GREM1: variants seen among roughly 807,000 people sequenced by gnomAD.
GREM1 encodes the protein gremlin-1.
A neutral mutation model predicts 13.1 loss-of-function variants in GREM1; 6 were observed. The observed-to-expected ratio is 0.46, with a 90% CI of 0.25 to 0.91. The LOEUF (loss-of-function observed/expected upper bound fraction) is 0.91. GREM1 is among the 40% of genes least tolerant of loss of function. The pLI, the probability that GREM1 is intolerant of heterozygous loss-of-function variation, is 0.18. For missense variants in GREM1, 185 were observed against 233.9 expected (o/e 0.79, Z 1.36); for synonymous variants, 98 against 93.7 (o/e 1.05, Z -0.27).
Position 32,743,216 on chromosome 15 carries a change from A to G in GREM1, c.*11971A>G, listed in dbSNP as rs534043760. 3 of 152,334 alleles carry G rather than the reference A, an allele frequency of 2.0e-5. No individual in the cohort carries two copies. The South Asian group carries it at 6.2e-4, about 32-fold the overall frequency. The allele number at this position is 152,334 out of a possible 1,614,324, so 9.4% of individuals were successfully genotyped here. A position where few individuals can be genotyped will look rare whatever the true frequency, so the allele number is the denominator to read the frequency against. ...AATATATTCCTTAAGATTTGAATAT[A>G]GAGGCTGGAAGAAAGATTTTTTTCT... On this transcript the variant is annotated 3_prime_UTR_variant, in exon 2 of 2. Transcript: ENST00000651154.
At chr15:32,719,559 A>G (rs1263398176) in intron 1 of GREM1, among the ~76,000 whole-genome samples, 1 of 152,028 alleles carries the variant, frequency 6.6e-6, no homozygotes, top group Non-Finnish European at 1.5e-5. Flanking sequence ...AAACGGTCCG[A>G]GGGCAGAGAG....
chr15:32,730,654 T>A, intron 1 of GREM1, 36 bp from the exon 2 acceptor site: 1 of 1,435,106 alleles, frequency 7.0e-7, no homozygotes, highest in Non-Finnish European at 9.4e-7. Context: ...TTTGCCATGT[T>A]TTGTGTCTTC....
intron 1 of GREM1, among the ~76,000 whole-genome samples, chr15:32,730,007 C>G (rs28564029): frequency 2.0e-5 from 3 of 152,124 alleles, no homozygotes; most frequent in Non-Finnish European, 4.4e-5. Flanking sequence ...ACATTGACAT[C>G]GAGTTGGATC....
In GREM1 at chr15:32,731,661, T is replaced by C. The variant is rs143378615; in HGVS notation, c.*416T>C. The C allele has an allele frequency of 2.2e-3, 627 of 279,162 alleles. 4 individuals carry two copies. The highest frequency in any genetic ancestry group is 0.013 in the African/African-American group (597 of 46,110). 17.3% of individuals were successfully genotyped at this position (279,162 alleles called of 1,614,324 possible). A position where few individuals can be genotyped will look rare whatever the true frequency, so the allele number is the denominator to read the frequency against. Reference sequence around the variant, plus strand: ...TCTGAGGGCAAGAGACCTGTTTTAGTGCTGCATTCGACATGGAAAAGTCCT... The same window carrying C: ...TCTGAGGGCAAGAGACCTGTTTTAGCGCTGCATTCGACATGGAAAAGTCCT... On this transcript the variant is annotated 3_prime_UTR_variant, in exon 2 of 2. Transcript: ENST00000651154.
At chr15:32,723,813 A>AC (rs1461255108) in intron 1 of GREM1, among the ~76,000 whole-genome samples, 1 of 152,182 alleles carries the variant, frequency 6.6e-6, no homozygotes, top group Non-Finnish European at 1.5e-5. Context: ...AGAAAATGAA[A>AC]CCCATAGCAT....
Position 32,745,055 on chromosome 15 carries a change from A to G in GREM1, c.*13810A>G, listed in dbSNP as rs1416011018. 6.6e-6 allele frequency: 1 copy of G among 152,180 alleles called. No individual in the cohort carries two copies. Among genetic ancestry groups the G allele is most frequent in the Non-Finnish European group, 1.5e-5 (1 of 68,016 alleles). The allele number at this position is 152,180 out of a possible 1,614,324, so 9.4% of individuals were successfully genotyped here. On this transcript the variant is annotated 3_prime_UTR_variant, in exon 2 of 2. Coordinates refer to ENST00000651154, the MANE Select transcript of GREM1 (RefSeq NM_013372.7). ...CAAGATAGATATTTAAATGACCCCT[A>G]TTTTAGTGGTAAACAAGCTGAAATT...
intron 1 of GREM1, among the ~76,000 whole-genome samples, chr15:32,722,989 A>T (rs2055435354): frequency 6.6e-6 from 1 of 152,228 alleles, no homozygotes; most frequent in South Asian, 2.1e-4. Flanking sequence ...TATGAGATGC[A>T]GCTTAATTTA....
At chr15:32,720,218 G>A (rs567207814) in intron 1 of GREM1, among the ~76,000 whole-genome samples, 7 of 152,184 alleles carry the variant, frequency 4.6e-5, no homozygotes, top group African/African-American at 9.6e-5. Flanking sequence ...GGTAACCCAC[G>A]CTCTGTAGGA....
Position 32,737,745 on chromosome 15 carries a change from G to A in GREM1, c.*6500G>A, listed in dbSNP as rs1226590240. 2 of 151,558 alleles carry A rather than the reference G, an allele frequency of 1.3e-5. No homozygotes were observed. The highest frequency in any genetic ancestry group is 2.9e-5 in the Non-Finnish European group (2 of 67,920). 9.4% of individuals were successfully genotyped at this position (151,558 alleles called of 1,614,324 possible). On this transcript the variant is annotated 3_prime_UTR_variant, in exon 2 of 2. Transcript: ENST00000651154. ...AGTTCGAGACCAACCTGACCAACAT[G>A]GAGAAACCCTGTATCTACTAAAAAT... is the stretch of plus-strand genomic sequence containing the variant.
rs2140771651 is a variant in GREM1 at position 32,742,658 on chromosome 15, T to C, written c.*11413T>C. ...AGGTACAGTAATCAAAACAGTATGTTACCAGCATAAAGACAAACACACAGA... is the reference window on the plus strand; with the variant it reads ...AGGTACAGTAATCAAAACAGTATGTCACCAGCATAAAGACAAACACACAGA... On this transcript the variant is annotated 3_prime_UTR_variant, in exon 2 of 2. Transcript: ENST00000651154. 1 of 152,346 alleles carries C rather than the reference T, an allele frequency of 6.6e-6. No individual in the cohort carries two copies. The highest frequency in any genetic ancestry group is 2.1e-4 in the South Asian group (1 of 4,828). 9.4% of individuals were successfully genotyped at this position (152,346 alleles called of 1,614,324 possible). A position where few individuals can be genotyped will look rare whatever the true frequency, so the allele number is the denominator to read the frequency against.
chr15:32,731,014 C>T lies in GREM1; in HGVS notation c.324C>T (p.Cys108=), dbSNP rs2055607186. The T allele has an allele frequency of 2.5e-6, 4 of 1,614,106 alleles. No homozygotes were observed. The highest frequency in any genetic ancestry group is 1.3e-5 in the African/African-American group (1 of 74,936). The stretch of plus-strand genomic sequence containing the variant: ...AGCAGACCATCCACGAGGAAGGCTG[C>T]AACAGTCGCACCATCATCAACCGCT... ...PLKQTIHEEG[C]NSRTIINRFC... The change falls in exon 2 of 2, where the codon TGC becomes TGT. Residue 108 remains cysteine (C), a synonymous_variant. Coordinates refer to ENST00000651154, the MANE Select transcript of GREM1 (RefSeq NM_013372.7).
chr15:32,722,096 G>T (rs191914082), intron 1 of GREM1, among the ~76,000 whole-genome samples: 249 of 152,274 alleles, frequency 1.6e-3, no homozygotes, highest in Non-Finnish European at 2.9e-3. Context: ...CTACCTGTCT[G>T]CCAACAAGGG....
Position 32,738,122 on chromosome 15 carries a change from A to G in GREM1, c.*6877A>G, listed in dbSNP as rs200775039. On this transcript the variant is annotated 3_prime_UTR_variant, in exon 2 of 2. Transcript: ENST00000651154. ...AAAAAAAAAAAAAAAAAAAAAAAAA[A>G]AAAAAAAAAAAGAAAAGAAAAAAGT... is the stretch of plus-strand genomic sequence containing the variant. 6.2e-5 allele frequency: 4 copies of G among 64,398 alleles called. No homozygotes were observed. The highest frequency in any genetic ancestry group is 3.6e-4 in the South Asian group (1 of 2,764). 4.0% of individuals were successfully genotyped at this position (64,398 alleles called of 1,614,324 possible).
intron 1 of GREM1, among the ~76,000 whole-genome samples, chr15:32,728,845 G>T (rs1466270506): frequency 2.3e-4 from 35 of 152,074 alleles, no homozygotes; most frequent in Non-Finnish European, 1.3e-4. Context: ...ATTTGAAACT[G>T]CATCCATTGA....
intron 1 of GREM1, 106 bp downstream of exon 1, chr15:32,718,267 C>T (rs911135055): frequency 1.1e-6 from 1 of 894,488 alleles, no homozygotes; most frequent in African/African-American, 1.7e-5. Flanking sequence ...TCCGTGCGCG[C>T]AGGCTCGGGT....
intron 1 of GREM1, among the ~76,000 whole-genome samples, chr15:32,720,985 C>T (rs947652536): frequency 1.3e-5 from 2 of 152,086 alleles, no homozygotes; most frequent in Admixed American, 6.5e-5. Flanking sequence ...GGAAAAATCC[C>T]GTCTCTACTA....
chr15:32,718,244 C>G (rs2055329294), intron 1 of GREM1, 83 bp downstream of exon 1: 12 of 1,087,246 alleles, frequency 1.1e-5, no homozygotes, highest in Middle Eastern at 2.2e-4. Flanking sequence ...CTCAGTTCCA[C>G]GCGCGGCAGC....
Position 32,726,110 on chromosome 15 carries a change from T to C in GREM1, c.-1-4580T>C, listed in dbSNP as rs144443810. 2.3e-3 allele frequency among the ~76,000 whole-genome samples: 344 copies of C among 152,270 alleles called. 1 individual carries two copies. Among genetic ancestry groups the C allele is most frequent in the Middle Eastern group, 3.4e-3 (1 of 294 alleles). On this transcript the variant is annotated intron_variant, in intron 1 of 1. Transcript: ENST00000651154. ...TTTGCTTAGGATTGTCTTGGCTATA[T>C]GGGCTCTTTTTTGGTTCTATATGAA... is the stretch of plus-strand genomic sequence containing the variant.
chr15:32,734,636 G>A lies in GREM1; in HGVS notation c.*3391G>A. 1 of 244,208 alleles carries A rather than the reference G, an allele frequency of 4.1e-6. No individual in the cohort carries two copies. Among genetic ancestry groups the A allele is most frequent in the East Asian group, 6.2e-5 (1 of 16,200 alleles). The allele number at this position is 244,208 out of a possible 1,614,324, so 15.1% of individuals were successfully genotyped here. On this transcript the variant is annotated 3_prime_UTR_variant, in exon 2 of 2. Transcript: ENST00000651154. The stretch of plus-strand genomic sequence containing the variant: ...AATGTTCTATATAGCCTTTGCTAAA[G>A]AGCAACTAATAAATTAAACCTATTC...
Sources: allele counts gnomAD v4.1 joint callset (sites outside exome capture counted in the v4.1 genomes callset), GRCh38; gene constraint gnomAD v4.1.1; transcripts MANE v1.5; gene names NCBI Gene and HGNC (gene_info 2026-07-23, HGNC 2026-07-21).